SPATA22: variants seen among roughly 807,000 people sequenced by gnomAD.
The protein encoded by SPATA22 is spermatogenesis associated 22.
SPATA22 carries 29 observed loss-of-function variants against 47.8 expected under a neutral mutation model. That is an observed-to-expected ratio of 0.61 (90% CI 0.45 to 0.83). SPATA22 has a LOEUF of 0.83. Among genes scored for constraint, SPATA22 ranks in the 40% least tolerant of loss-of-function variants. The pLI is 0.00. For missense variants in SPATA22, 410 were observed against 421.7 expected (o/e 0.97, Z 0.24); for synonymous variants, 133 against 140.9 (o/e 0.94, Z 0.40).
intron 8 of SPATA22, among the ~76,000 whole-genome samples, chr17:3,442,602 C>A (rs1193370174): frequency 6.6e-6 from 1 of 151,982 alleles, no homozygotes; most frequent in African/African-American, 2.4e-5. Context: ...ACTACCCTTA[C>A]CCCTAACAGT....
intron 1 of SPATA22, chr17:3,500,798 C>T (rs1306432449): frequency 1.3e-5 from 2 of 152,380 alleles, no homozygotes; most frequent in East Asian, 3.8e-4. Flanking sequence ...GCCACCACGC[C>T]CGGCCCAAAA....
At chr17:3,505,451 C>G (rs999984836) in intron 1 of SPATA22, among the ~76,000 whole-genome samples, 3 of 152,258 alleles carry the variant, frequency 2.0e-5, no homozygotes, top group Non-Finnish European at 2.9e-5. Flanking sequence ...TTTGGAAGAG[C>G]GGGTTGTCAC....
chr17:3,481,762 G>T (rs766883736), intron 1 of SPATA22: 1 of 1,612,414 alleles, frequency 6.2e-7, no homozygotes. Flanking sequence ...AGGATTCCAG[G>T]AATAACTTTT....
intron 1 of SPATA22, among the ~76,000 whole-genome samples, chr17:3,505,648 G>A (rs944975135): frequency 6.6e-6 from 1 of 152,206 alleles, no homozygotes; most frequent in Non-Finnish European, 1.5e-5. Context: ...GATGTTCCAG[G>A]GCAGCAGGAC....
At chr17:3,458,873 A>AAAAAAAAAAAAAAAAAAAAAAAAAAC (rs2073058997) in intron 5 of SPATA22, among the ~76,000 whole-genome samples, 1 of 151,092 alleles carries the variant, frequency 6.6e-6, no homozygotes, top group Non-Finnish European at 1.5e-5. Context: ...AAAAAAAAAA[A>AAAAAAAAAAAAAAAAAAAAAAAAAAC]AAAAAAATTC....
chr17:3,470,986 C>G (rs1202090736), intron 1 of SPATA22, among the ~76,000 whole-genome samples: 1 of 151,802 alleles, frequency 6.6e-6, no homozygotes, highest in Non-Finnish European at 1.5e-5. Context: ...GAAACCCCGT[C>G]TCTACTAAAA....
chr17:3,487,130 G>A (rs894976088), intron 1 of SPATA22, among the ~76,000 whole-genome samples: 5 of 151,996 alleles, frequency 3.3e-5, no homozygotes, highest in African/African-American at 9.7e-5. Flanking sequence ...CTAGGATAAG[G>A]TTTGCCTAGA....
At chr17:3,480,914 G>A (rs558960828) in intron 1 of SPATA22, among the ~76,000 whole-genome samples, 18 of 152,300 alleles carry the variant, frequency 1.2e-4, no homozygotes, top group Admixed American at 8.5e-4. Context: ...GGCAGTTTTA[G>A]TTCAAGACCA....
chr17:3,459,554 C>A (rs1000784609), intron 5 of SPATA22, among the ~76,000 whole-genome samples: 2 of 152,098 alleles, frequency 1.3e-5, no homozygotes, highest in African/African-American at 4.8e-5. Context: ...TACAGGCATG[C>A]GCCACCACGC....
At chr17:3,451,990 A>G (rs1039310538) in intron 5 of SPATA22, among the ~76,000 whole-genome samples, 4 of 151,730 alleles carry the variant, frequency 2.6e-5, no homozygotes, top group Non-Finnish European at 5.9e-5. Context: ...AAATGAAAAA[A>G]TTCACAAATA....
At chr17:3,465,234 A>G (rs1597408099) in intron 3 of SPATA22, among the ~76,000 whole-genome samples, 1 of 108,874 alleles carries the variant, frequency 9.2e-6, no homozygotes, top group Non-Finnish European at 2.1e-5. Flanking sequence ...CCTACTGGGA[A>G]GTGAGGAGCC....
chr17:3,465,796 AC>A (rs1307881971), intron 3 of SPATA22, among the ~76,000 whole-genome samples: 16 of 110,954 alleles, frequency 1.4e-4, no homozygotes, highest in South Asian at 2.5e-4. Flanking sequence ...AATTTAAAAA[AC>A]AAAAAAAAAC....
At chr17:3,467,756 C>A (rs2150732596) in intron 2 of SPATA22, among the ~76,000 whole-genome samples, 1 of 152,228 alleles carries the variant, frequency 6.6e-6, no homozygotes, top group Non-Finnish European at 1.5e-5. Flanking sequence ...AAAAACTTTT[C>A]TTATTCTACT....
chr17:3,453,386 A>G (rs1452978062), intron 5 of SPATA22, among the ~76,000 whole-genome samples: 2 of 152,236 alleles, frequency 1.3e-5, no homozygotes, highest in Non-Finnish European at 2.9e-5. Flanking sequence ...AATCAATGTT[A>G]TACACCACAG....
intron 1 of SPATA22, among the ~76,000 whole-genome samples, chr17:3,504,807 C>A (rs1016182484): frequency 1.1e-4 from 16 of 152,196 alleles, no homozygotes; most frequent in African/African-American, 3.9e-4. Context: ...GATCCACCCA[C>A]CTCGGCCTCC....
intron 3 of SPATA22, 85 bp from the exon 4 acceptor site, chr17:3,462,852 G>T: frequency 8.8e-7 from 1 of 1,139,498 alleles, no homozygotes. Context: ...AATTTGGAGG[G>T]TTTAAAAACT....
intron 5 of SPATA22, among the ~76,000 whole-genome samples, chr17:3,459,055 G>GTGCCTACTTACA (rs201541300): frequency 0.23 from 35,583 of 151,852 alleles, 4,449 homozygotes; most frequent in East Asian, 0.42. Context: ...CAGAAAGAAT[G>GTGCCTACTTACA]TGTGGGATCT....
At chr17:3,478,048 G>C (rs549728633) in intron 1 of SPATA22, among the ~76,000 whole-genome samples, 1 of 152,192 alleles carries the variant, frequency 6.6e-6, no homozygotes, top group South Asian at 2.1e-4. Flanking sequence ...AGCCGGGCAT[G>C]GTGGCGGGCA....
intron 1 of SPATA22, among the ~76,000 whole-genome samples, chr17:3,477,400 A>G (rs2073544420): frequency 6.6e-6 from 1 of 152,180 alleles, no homozygotes; most frequent in Non-Finnish European, 1.5e-5. Context: ...ACATCATAAT[A>G]GCTACCACTG....
Sources: gnomAD v4.1 joint callset for allele counts (sites outside exome capture counted in the v4.1 genomes callset) on GRCh38, gnomAD v4.1.1 for gene constraint, MANE v1.5 for transcripts, NCBI Gene and HGNC (gene_info 2026-07-23, HGNC 2026-07-21) for gene names.